GRAMD1B: variants seen among roughly 807,000 people sequenced by gnomAD.
GRAMD1B encodes the protein GRAM domain containing 1B.
Under a neutral mutation model 99.7 loss-of-function variants are expected in GRAMD1B, and 37 were observed. The ratio of observed to expected loss-of-function variants is 0.37; its 90% CI spans 0.29 to 0.49. GRAMD1B has a LOEUF of 0.49. Ranked by LOEUF, GRAMD1B falls within the 20% of genes least tolerant of loss-of-function variation. The pLI is 0.98. For missense variants in GRAMD1B, 888 were observed against 1,009.2 expected, an observed-to-expected ratio of 0.88 and a Z score of 1.63; for synonymous variants, 427 against 387.6, an observed-to-expected ratio of 1.10 and a Z score of -1.19.
intron 4 of GRAMD1B, among the ~76,000 whole-genome samples, chr11:123,592,428 A>G (rs1950765693): frequency 6.6e-6 from 1 of 152,184 alleles, no homozygotes; most frequent in Non-Finnish European, 1.5e-5. Context: ...AAATGGGATA[A>G]TAAAAATAAT....
intron 2 of GRAMD1B, among the ~76,000 whole-genome samples, chr11:123,495,134 CACACAG>C (rs1939089387): frequency 6.6e-6 from 1 of 151,596 alleles, no homozygotes; most frequent in Non-Finnish European, 1.5e-5. Flanking sequence ...CACACACACA[CACACAG>C]ACACACATAC....
intron 2 of GRAMD1B, among the ~76,000 whole-genome samples, chr11:123,486,898 G>A (rs1320024246): frequency 6.6e-6 from 1 of 152,056 alleles, no homozygotes; most frequent in Non-Finnish European, 1.5e-5. Flanking sequence ...GCAAAACCCT[G>A]TCTCTACTAA....
chr11:123,598,959 GAC>G (rs778664974), intron 7 of GRAMD1B: 114 of 1,047,580 alleles, frequency 1.1e-4, no homozygotes, highest in Non-Finnish European at 1.6e-4. Flanking sequence ...GTCTAAGATG[GAC>G]AGGTATGTGA....
intron 4 of GRAMD1B, among the ~76,000 whole-genome samples, chr11:123,592,889 C>A (rs180696973): frequency 6.6e-6 from 1 of 152,016 alleles, no homozygotes; most frequent in South Asian, 2.1e-4. Context: ...TTTGTGGGCA[C>A]GTATTTTCTT....
chr11:123,363,032 C>G (rs1455422357), intron 1 of GRAMD1B, among the ~76,000 whole-genome samples: 1 of 151,986 alleles, frequency 6.6e-6, no homozygotes, highest in Non-Finnish European at 1.5e-5. Context: ...GAGGAAGATG[C>G]AGCGAGCAAA....
chr11:123,586,788 C>T (rs1464822240), intron 4 of GRAMD1B, among the ~76,000 whole-genome samples: 2 of 152,220 alleles, frequency 1.3e-5, no homozygotes, highest in East Asian at 3.9e-4. Flanking sequence ...TGGAATCTGC[C>T]CTTCAGGCAG....
intron 14 of GRAMD1B, among the ~76,000 whole-genome samples, chr11:123,612,246 T>TG (rs1300482779): frequency 6.6e-6 from 1 of 152,082 alleles, no homozygotes; most frequent in African/African-American, 2.4e-5. Flanking sequence ...TTTGTAGAGA[T>TG]GGGGGTCTCA....
chr11:123,504,603 C>T (rs1448898374), intron 2 of GRAMD1B, among the ~76,000 whole-genome samples: 1 of 152,172 alleles, frequency 6.6e-6, no homozygotes, highest in African/African-American at 2.4e-5. Context: ...TTTCTTGTGC[C>T]AGGCAGCTTC....
At chr11:123,412,365 G>A (rs1483646077) in intron 1 of GRAMD1B, among the ~76,000 whole-genome samples, 1 of 152,202 alleles carries the variant, frequency 6.6e-6, no homozygotes, top group Non-Finnish European at 1.5e-5. Context: ...CACTGTACTT[G>A]ACACTTTACC....
intron 4 of GRAMD1B, among the ~76,000 whole-genome samples, chr11:123,589,614 T>TTATACATATATATATATATATATATA (rs1555089175): frequency 1.6e-5 from 2 of 128,264 alleles, no homozygotes; most frequent in African/African-American, 7.0e-5. Context: ...TGGCTAATTT[T>TTATACATATATATATATATATATATA]TATATATATA....
chr11:123,606,538 C>T (rs1952751422), intron 10 of GRAMD1B, 71 bp from the exon 11 acceptor site: 1 of 1,371,162 alleles, frequency 7.3e-7, no homozygotes, highest in Non-Finnish European at 1.0e-6. Context: ...AGGCTGCATC[C>T]CTAATCTCCC....
At chr11:123,399,476 T>C (rs1044922314) in intron 1 of GRAMD1B, among the ~76,000 whole-genome samples, 1 of 152,190 alleles carries the variant, frequency 6.6e-6, no homozygotes, top group African/African-American at 2.4e-5. Flanking sequence ...GATCATACAG[T>C]ATTTTATTTA....
At chr11:123,424,832 T>A (rs367609330) in intron 1 of GRAMD1B, among the ~76,000 whole-genome samples, 21 of 152,354 alleles carry the variant, frequency 1.4e-4, no homozygotes, top group African/African-American at 4.8e-4. Flanking sequence ...CAATGCACCA[T>A]GTGTATCTTA....
At chr11:123,367,836 C>T (rs556491197) in intron 1 of GRAMD1B, among the ~76,000 whole-genome samples, 12 of 151,966 alleles carry the variant, frequency 7.9e-5, no homozygotes, top group Admixed American at 3.9e-4. Context: ...CTGAGTGGTC[C>T]GGGAGAGACC....
chr11:123,533,673 C>T (rs539214443), intron 2 of GRAMD1B, among the ~76,000 whole-genome samples: 2 of 152,306 alleles, frequency 1.3e-5, no homozygotes, highest in African/African-American at 2.4e-5. Flanking sequence ...ATAATCCACC[C>T]GCCTGAGCCT....
intron 2 of GRAMD1B, among the ~76,000 whole-genome samples, chr11:123,523,584 G>T (rs1942402764): frequency 6.6e-6 from 1 of 151,740 alleles, no homozygotes; most frequent in Admixed American, 6.6e-5. Context: ...AAAATTTACA[G>T]TTACAATAAT....
At chr11:123,458,695 T>G (rs945858350) in intron 1 of GRAMD1B, 76 of 151,284 alleles carry the variant, frequency 5.0e-4, no homozygotes, top group African/African-American at 1.7e-3. Context: ...TGTTTTGTTT[T>G]TTTTTTTTTT....
intron 1 of GRAMD1B, among the ~76,000 whole-genome samples, chr11:123,365,880 T>C (rs1359163650): frequency 2.0e-5 from 3 of 152,216 alleles, no homozygotes; most frequent in Non-Finnish European, 2.9e-5. Flanking sequence ...CCCTCCTTTT[T>C]TTTGTAGATT....
In GRAMD1B at chr11:123,625,973, A is replaced by AGAGAGAGAGAGC. The variant is rs34697633; in HGVS notation, c.*3386_*3387insGAGCGAGAGAGA. On this transcript the variant is annotated 3_prime_UTR_variant, in exon 20 of 20. Transcript: ENST00000635736. Reference sequence around the variant, plus strand: ...GAGAGAGAGAGAGAGAGAGAGAGAGAGAGAGAGATCGAGCTTGATGTATTG... The same window carrying AGAGAGAGAGAGC: ...GAGAGAGAGAGAGAGAGAGAGAGAGAGAGAGAGAGAGCGAGAGAGATCGAGCTTGATGTATTG... 8 of 139,748 alleles carry AGAGAGAGAGAGC rather than the reference A, an allele frequency of 5.7e-5. No homozygotes were observed. Among genetic ancestry groups the AGAGAGAGAGAGC allele is most frequent in the East Asian group, 2.1e-4 (1 of 4,738 alleles). The allele number at this position is 139,748 out of a possible 1,614,324, so 8.7% of individuals were successfully genotyped here. A position where few individuals can be genotyped will look rare whatever the true frequency, so the allele number is the denominator to read the frequency against.
Sources: allele counts gnomAD v4.1 joint callset (sites outside exome capture counted in the v4.1 genomes callset), GRCh38; gene constraint gnomAD v4.1.1; transcripts MANE v1.5; gene names NCBI Gene and HGNC (gene_info 2026-07-23, HGNC 2026-07-21).